The following ADAMTSL1 variants were observed in gnomAD, a reference collection of about 807,000 sequenced individuals.
The protein encoded by ADAMTSL1 is ADAMTS like 1.
ADAMTSL1 carries 126 observed loss-of-function variants against 201.8 expected under a neutral mutation model. That is an observed-to-expected ratio of 0.62 (90% CI 0.54 to 0.72). ADAMTSL1 has a LOEUF of 0.72. Ranked by LOEUF, ADAMTSL1 falls within the 30% of genes least tolerant of loss-of-function variation. ADAMTSL1 has a pLI of 0.00. For synonymous variants in ADAMTSL1, 1,121 were observed against 903.4 expected (o/e 1.24, Z -4.32); for missense variants, 2,679 against 2,277.8 (o/e 1.18, Z -3.59).
chr9:18,410,200 T>C (rs1185585156), intron 2 of ADAMTSL1, among the ~76,000 whole-genome samples: 1 of 152,108 alleles, frequency 6.6e-6, no homozygotes, highest in Non-Finnish European at 1.5e-5. Context: ...ACTTCCTTTT[T>C]TTTTCTGTCA....
chr9:18,852,283 A>G (rs1826545426), intron 23 of ADAMTSL1, among the ~76,000 whole-genome samples: 1 of 152,218 alleles, frequency 6.6e-6, no homozygotes, highest in Non-Finnish European at 1.5e-5. Flanking sequence ...CAATAACTGC[A>G]TATACCTCCA....
At position 18,800,250 on chromosome 9, in the gene ADAMTSL1, G is replaced by A. The variant is rs1050183812; in HGVS notation, c.3805+4726G>A. ...ATATTAGCCATGTGTGGTGGCAAGC[G>A]CCTGTAATCCCAGCTACTCAGAAGG... On this transcript the variant is annotated intron_variant, in intron 20 of 28. Transcript: ENST00000380548. Among the ~76,000 whole-genome samples, 10 of 151,920 alleles carry A rather than the reference G, an allele frequency of 6.6e-5. No homozygotes were observed. The East Asian group carries it at 9.7e-4, about 15-fold the overall frequency.
intron 26 of ADAMTSL1, among the ~76,000 whole-genome samples, chr9:18,904,399 G>A (rs916625812): frequency 3.9e-5 from 6 of 151,958 alleles, no homozygotes; most frequent in African/African-American, 1.5e-4. Flanking sequence ...TACCTGAGAG[G>A]CAGAGGTTGC....
In ADAMTSL1 at chr9:18,875,551, A is replaced by G. The variant is rs541249048; in HGVS notation, c.4250-12280A>G. ...AGCAGGTTAATTACCATGTATTTGCATGGTTTTGAAGGTTCCTTTTGGAGT... is the reference window on the plus strand; with the variant it reads ...AGCAGGTTAATTACCATGTATTTGCGTGGTTTTGAAGGTTCCTTTTGGAGT... On this transcript the variant is annotated intron_variant, in intron 23 of 28. Coordinates refer to ENST00000380548, the MANE Select transcript of ADAMTSL1 (RefSeq NM_001040272.6). Among the ~76,000 whole-genome samples, 15 of 152,190 alleles carry G rather than the reference A, an allele frequency of 9.9e-5. No individual in the cohort carries two copies. The South Asian group carries it at 3.1e-3, about 32-fold the overall frequency.
intron 1 of ADAMTSL1, among the ~76,000 whole-genome samples, chr9:17,930,798 T>C (rs1379525947): frequency 6.6e-6 from 1 of 152,180 alleles, no homozygotes; most frequent in Non-Finnish European, 1.5e-5. Context: ...AGAAATGCAC[T>C]ATGTGCATCT....
At chr9:18,816,280 A>G (rs112773690) in intron 20 of ADAMTSL1, among the ~76,000 whole-genome samples, 6,859 of 152,272 alleles carry the variant, frequency 0.045, 179 homozygotes, top group South Asian at 0.096. Flanking sequence ...ACAGAGTCTC[A>G]CCCTGGAGTG....
chr9:18,219,382 T>A, intron 2 of ADAMTSL1, among the ~76,000 whole-genome samples: 1 of 149,982 alleles, frequency 6.7e-6, no homozygotes. Context: ...TTTATTTATT[T>A]ATTTGAGACA....
intron 2 of ADAMTSL1, among the ~76,000 whole-genome samples, chr9:18,334,242 T>G (rs1364901554): frequency 6.6e-6 from 1 of 152,188 alleles, no homozygotes; most frequent in African/African-American, 2.4e-5. Context: ...ATTCATTTTC[T>G]AAGCACAATA....
rs772840216 is a variant in ADAMTSL1, at chr9:18,188,893, A to C, written c.207+24912A>C. Among the ~76,000 whole-genome samples the C allele has an allele frequency of 4.8e-4, 73 of 152,162 alleles. 1 individual carries two copies. The highest frequency in any genetic ancestry group is 5.2e-4 in the Admixed American group (8 of 15,258). The stretch of plus-strand genomic sequence containing the variant: ...GGCATCGTTTTTCATTCGCTACAAG[A>C]GTGTGAAGCAGAAAGGATCTCCATT... On this transcript the variant is annotated intron_variant, in intron 2 of 29. Transcript: ENST00000680146.
intron 23 of ADAMTSL1, among the ~76,000 whole-genome samples, chr9:18,855,146 C>T (rs16937148): frequency 1.3e-5 from 2 of 152,114 alleles, no homozygotes; most frequent in South Asian, 2.1e-4. Context: ...CTCAGAAACA[C>T]GAGGCTAACA....
intron 1 of ADAMTSL1, among the ~76,000 whole-genome samples, chr9:17,994,291 G>A (rs913368850): frequency 1.3e-5 from 2 of 152,106 alleles, no homozygotes; most frequent in African/African-American, 4.8e-5. Context: ...GGAGATATTT[G>A]TGGAGTATCT....
intron 1 of ADAMTSL1, among the ~76,000 whole-genome samples, chr9:17,989,941 G>C (rs531810149): frequency 5.2e-4 from 75 of 144,738 alleles, no homozygotes; most frequent in Non-Finnish European, 9.8e-4. Flanking sequence ...TTTCCCAAAC[G>C]TATTCTGCTT....
At chr9:18,533,174 T>C in intron 2 of ADAMTSL1, 73 bp from the exon 3 acceptor site, 1 of 1,383,146 alleles carries the variant, frequency 7.2e-7, no homozygotes, top group Non-Finnish European at 1.0e-6. Context: ...TAGAGCAAAT[T>C]TTTATAAGAA....
intron 1 of ADAMTSL1, among the ~76,000 whole-genome samples, chr9:17,996,183 T>C (rs1313928854): frequency 6.6e-6 from 1 of 151,520 alleles, no homozygotes; most frequent in African/African-American, 2.4e-5. Context: ...TTTTTCAAAA[T>C]ATTTTGAGAG....
chr9:18,540,907 G>A (rs997959524), intron 3 of ADAMTSL1, among the ~76,000 whole-genome samples: 17 of 152,100 alleles, frequency 1.1e-4, no homozygotes, highest in African/African-American at 3.6e-4. Flanking sequence ...CAAGAACCTG[G>A]CTGCTGCTTC....
chr9:18,590,139 C>G (rs540341913), intron 4 of ADAMTSL1, among the ~76,000 whole-genome samples: 1 of 152,026 alleles, frequency 6.6e-6, no homozygotes, highest in Non-Finnish European at 1.5e-5. Flanking sequence ...TGGTAGAATT[C>G]AGCAGTGAAG....
chr9:17,978,120 C>T (rs1414207935), intron 1 of ADAMTSL1, among the ~76,000 whole-genome samples: 1 of 151,956 alleles, frequency 6.6e-6, no homozygotes, highest in Non-Finnish European at 1.5e-5. Context: ...AACTATACTT[C>T]TGTTCTCTTT....
intron 1 of ADAMTSL1, among the ~76,000 whole-genome samples, chr9:17,959,903 TG>T (rs1817667539): frequency 1.3e-5 from 2 of 152,178 alleles, no homozygotes; most frequent in Admixed American, 6.6e-5. Flanking sequence ...AACAATGATT[TG>T]GGGACTGCTT....
At chr9:18,043,889 C>T (rs760803907) in intron 1 of ADAMTSL1, among the ~76,000 whole-genome samples, 15 of 150,910 alleles carry the variant, frequency 9.9e-5, no homozygotes, top group Non-Finnish European at 2.1e-4. Context: ...AACCTGATGA[C>T]TATCCTCTTT....
Sources: gnomAD v4.1 joint callset for allele counts (sites outside exome capture counted in the v4.1 genomes callset) on GRCh38, gnomAD v4.1.1 for gene constraint, MANE v1.5 for transcripts, NCBI Gene and HGNC (gene_info 2026-07-23, HGNC 2026-07-21) for gene names.